The following ROBO2 variants were observed in gnomAD, a reference collection of about 807,000 sequenced individuals.
ROBO2 encodes the protein roundabout homolog 2.
ROBO2 carries 53 observed loss-of-function variants against 160.8 expected under a neutral mutation model. The observed-to-expected ratio is 0.33, with a 90% CI of 0.26 to 0.41. The LOEUF (loss-of-function observed/expected upper bound fraction) is 0.41. Among genes scored for constraint, ROBO2 ranks in the 10% least tolerant of loss-of-function variants. The probability of loss-of-function intolerance (pLI) is 1.00; values close to 1 mark genes in which losing one functional copy is unlikely to be tolerated. For synonymous variants in ROBO2, 664 were observed against 611.7 expected, an observed-to-expected ratio of 1.09 and a Z score of -1.26; for missense variants, 1,577 against 1,722.4, an observed-to-expected ratio of 0.92 and a Z score of 1.49.
chr3:76,719,693 G>T (rs945328017), intron 2 of ROBO2, among the ~76,000 whole-genome samples: 1 of 152,102 alleles, frequency 6.6e-6, no homozygotes, highest in Non-Finnish European at 1.5e-5. Flanking sequence ...AGACCAGCCT[G>T]GCCAACATGG....
At chr3:77,461,374 A>G (rs942698930) in intron 2 of ROBO2, among the ~76,000 whole-genome samples, 1 of 152,026 alleles carries the variant, frequency 6.6e-6, no homozygotes, top group African/African-American at 2.4e-5. Context: ...ATTAGACAAA[A>G]TTGAATTTAC....
intron 21 of ROBO2, among the ~76,000 whole-genome samples, chr3:77,614,756 A>ACC (rs1348013939): frequency 3.5e-4 from 53 of 150,224 alleles, no homozygotes; most frequent in East Asian, 2.3e-3. Flanking sequence ...CAACCAACCA[A>ACC]ACAAACAAAC....
chr3:76,323,500 G>T (rs1263737126), intron 2 of ROBO2, among the ~76,000 whole-genome samples: 1 of 152,122 alleles, frequency 6.6e-6, no homozygotes, highest in Non-Finnish European at 1.5e-5. Flanking sequence ...AAAGACAAAT[G>T]AGTCTATGAT....
intron 2 of ROBO2, among the ~76,000 whole-genome samples, chr3:77,126,655 A>G (rs1182041248): frequency 2.0e-5 from 3 of 151,790 alleles, no homozygotes; most frequent in African/African-American, 7.3e-5. Flanking sequence ...CTCTATCAAC[A>G]TTCTGAAGTT....
At chr3:77,163,080 C>G (rs1434520854) in intron 2 of ROBO2, among the ~76,000 whole-genome samples, 1 of 152,086 alleles carries the variant, frequency 6.6e-6, no homozygotes, top group Non-Finnish European at 1.5e-5. Flanking sequence ...AGGTGATCCG[C>G]CTGCCTCTTC....
chr3:76,626,123 C>A (rs1191223185), intron 2 of ROBO2, among the ~76,000 whole-genome samples: 2 of 152,116 alleles, frequency 1.3e-5, no homozygotes, highest in African/African-American at 4.8e-5. Flanking sequence ...TAAGATAATT[C>A]CAAAGTTTTT....
rs543027065 is a variant in ROBO2, at chr3:76,074,895, A to G, written c.109+137293A>G. On this transcript the variant is annotated intron_variant, in intron 2 of 26. Coordinates refer to the ROBO2 transcript ENST00000487694. ...ATTACTTTTAAAAAATGTTCCTTTA[A>G]GCAACAGTTAATGAAATGATGGTAG... is the stretch of plus-strand genomic sequence containing the variant. Among the ~76,000 whole-genome samples, 4 of 152,306 alleles carry G rather than the reference A, an allele frequency of 2.6e-5. No individual in the cohort carries two copies. The East Asian group carries it at 7.7e-4, about 29-fold the overall frequency.
At chr3:77,087,486 T>C (rs1194940834) in intron 1 of ROBO2, among the ~76,000 whole-genome samples, 2 of 152,094 alleles carry the variant, frequency 1.3e-5, no homozygotes, top group Admixed American at 6.6e-5. Flanking sequence ...CCTTCAACCA[T>C]GTAAGATGTA....
chr3:76,671,184 T>TAC (rs2092249049), intron 2 of ROBO2, among the ~76,000 whole-genome samples: 1 of 152,154 alleles, frequency 6.6e-6, no homozygotes. Flanking sequence ...AGGTAAAATT[T>TAC]ACATATATTA....
intron 2 of ROBO2, among the ~76,000 whole-genome samples, chr3:76,865,301 A>C (rs2324696): frequency 0.13 from 19,195 of 152,166 alleles, 1,379 homozygotes; most frequent in East Asian, 0.24. Context: ...CTAGAAAAAT[A>C]AAATGAAAAG....
intron 2 of ROBO2, chr3:77,316,900 G>T: frequency 8.5e-7 from 1 of 1,182,242 alleles, no homozygotes; most frequent in Non-Finnish European, 1.3e-6. Flanking sequence ...GTTCACTTTA[G>T]TGGAGAAGCA....
At chr3:77,138,045 C>T (rs2076415621) in intron 2 of ROBO2, among the ~76,000 whole-genome samples, 1 of 152,074 alleles carries the variant, frequency 6.6e-6, no homozygotes, top group Non-Finnish European at 1.5e-5. Context: ...TGAACGACTA[C>T]CAGGAACCTT....
chr3:77,522,895 C>A (rs756562291), exon 6 of ROBO2: 1 of 1,608,972 alleles, frequency 6.2e-7, no homozygotes, highest in Non-Finnish European at 8.5e-7. Context: ...CTACACTCAC[C>A]GTCCGAGGTA....
chr3:76,301,323 A>C (rs1351702066), intron 2 of ROBO2, among the ~76,000 whole-genome samples: 1 of 152,134 alleles, frequency 6.6e-6, no homozygotes, highest in Non-Finnish European at 1.5e-5. Flanking sequence ...TCATTTTAAA[A>C]GACAGGATTA....
At chr3:76,450,031 C>T (rs2077396632) in intron 2 of ROBO2, among the ~76,000 whole-genome samples, 1 of 152,160 alleles carries the variant, frequency 6.6e-6, no homozygotes, top group African/African-American at 2.4e-5. Context: ...AAATAATCTT[C>T]ATCATCAAGA....
In ROBO2 at chr3:76,654,271, G is replaced by A. The variant is rs2091390007; in HGVS notation, c.110-443743G>A. On this transcript the variant is annotated intron_variant, in intron 2 of 26. Transcript: ENST00000487694. ...AGATAGATGCCCCATTTTGGGTTGA[G>A]TTTTACATTTTCCAGCAAAAAAGTT... Among the ~76,000 whole-genome samples the A allele has an allele frequency of 3.3e-5, 5 of 152,092 alleles. No individual in the cohort carries two copies. The South Asian group carries it at 1.0e-3, about 31-fold the overall frequency.
At chr3:77,100,923 T>G (rs916343947) in intron 2 of ROBO2, among the ~76,000 whole-genome samples, 4 of 152,162 alleles carry the variant, frequency 2.6e-5, no homozygotes, top group African/African-American at 9.7e-5. Context: ...GAAATTGAAG[T>G]GAAAGACCAT....
intron 2 of ROBO2, among the ~76,000 whole-genome samples, chr3:77,228,520 C>G (rs1057246356): frequency 2.6e-5 from 4 of 151,498 alleles, no homozygotes; most frequent in African/African-American, 9.7e-5. Context: ...TTTCAGTTCC[C>G]TGTTGAACAA....
intron 4 of ROBO2, among the ~76,000 whole-genome samples, chr3:77,483,237 TA>T (rs2153591083): frequency 6.6e-6 from 1 of 151,918 alleles, no homozygotes; most frequent in African/African-American, 2.4e-5. Context: ...CCATTATTGG[TA>T]AGAAAACAAC....
Sources: allele counts gnomAD v4.1 joint callset (sites outside exome capture counted in the v4.1 genomes callset), GRCh38; gene constraint gnomAD v4.1.1; transcripts MANE v1.5; gene names NCBI Gene and HGNC (gene_info 2026-07-23, HGNC 2026-07-21).